The following SAP130 variants were observed in gnomAD, a reference collection of about 807,000 sequenced individuals.
The protein encoded by SAP130 is histone deacetylase complex subunit SAP130.
A neutral mutation model predicts 103.2 loss-of-function variants in SAP130; 16 were observed. The observed-to-expected ratio is 0.16, with a 90% CI of 0.10 to 0.24. The LOEUF is 0.24. SAP130 is among the 10% of genes least tolerant of loss of function. The pLI is 1.00. For synonymous variants in SAP130, 477 were observed against 497.0 expected (o/e 0.96, Z 0.53); for missense variants, 990 against 1,359.7 (o/e 0.73, Z 4.28).
chr2:128,025,676 G>A (rs1202735176), intron 2 of SAP130, among the ~76,000 whole-genome samples: 1 of 152,164 alleles, frequency 6.6e-6, no homozygotes, highest in Non-Finnish European at 1.5e-5. Context: ...AAATATACTG[G>A]AGGATAGGTA....
chr2:127,965,272 G>A (rs374425695), intron 15 of SAP130, among the ~76,000 whole-genome samples: 10 of 152,186 alleles, frequency 6.6e-5, no homozygotes, highest in African/African-American at 1.9e-4. Context: ...ACTCCAGCCT[G>A]GCAACAGAGC....
chr2:127,989,678 G>C lies in SAP130; in HGVS notation c.1666C>G (p.Gln556Glu), dbSNP rs1443385131. The change falls in exon 13 of 21, where the codon CAG becomes GAG. Residue 556 changes from glutamine to glutamate, a missense_variant. Physicochemically the swap from Gln to Glu is conservative, Grantham distance 29. This residue lies in a region of SAP130 where 349 missense variants were observed against 384.1 expected (regional missense o/e 0.91). Transcript: ENST00000643581. This position sits in a 1 kb window ranked among gnomAD's most constrained non-coding sequence, Gnocchi z 4.6. Reference sequence around the variant, plus strand: ...CCCTGTGTGCCAAGTGGTGCAGGCTGTATCCCTGGGGTCCCAATGGGGGCC... The same window carrying C: ...CCCTGTGTGCCAAGTGGTGCAGGCTCTATCCCTGGGGTCCCAATGGGGGCC... The part of the protein sequence containing the change: ...QPAPIGTPGI[Q>E]PAPLGTQGIH... The C allele has an allele frequency of 2.5e-6, 4 of 1,614,210 alleles. No individual in the cohort carries two copies. Among genetic ancestry groups the C allele is most frequent in the Non-Finnish European group, 3.4e-6 (4 of 1,180,040 alleles).
At chr2:127,969,937 A>C (rs1382760590) in intron 15 of SAP130, among the ~76,000 whole-genome samples, 2 of 152,138 alleles carry the variant, frequency 1.3e-5, no homozygotes, top group African/African-American at 4.8e-5. Context: ...TCTACTAAAA[A>C]AATTTATTTA....
intron 6 of SAP130, among the ~76,000 whole-genome samples, chr2:128,011,833 G>C (rs1321990593): frequency 3.3e-5 from 5 of 152,098 alleles, no homozygotes; most frequent in Admixed American, 3.3e-4. Flanking sequence ...TTTTTTGTGA[G>C]ATGGAGTCTC....
intron 15 of SAP130, among the ~76,000 whole-genome samples, chr2:127,959,196 T>C (rs1680060374): frequency 1.3e-5 from 2 of 152,254 alleles, no homozygotes; most frequent in African/African-American, 4.8e-5. Context: ...GTTCCCTGGA[T>C]TTGCTTTTTT....
chr2:128,018,839 T>C (rs1559105381), intron 2 of SAP130, among the ~76,000 whole-genome samples: 2 of 150,850 alleles, frequency 1.3e-5, no homozygotes, highest in African/African-American at 2.4e-5. Context: ...GCACAGCCTG[T>C]AATCCTAGCA....
chr2:127,948,101 T>C (rs1679237039), intron 18 of SAP130, among the ~76,000 whole-genome samples: 1 of 152,008 alleles, frequency 6.6e-6, no homozygotes, highest in Non-Finnish European at 1.5e-5. Flanking sequence ...GTATGTATTT[T>C]TCCAGTCTTT....
chr2:128,010,176 CAATA>C (rs1315624699), intron 7 of SAP130, 89 bp downstream of exon 7: 2 of 1,372,398 alleles, frequency 1.5e-6, no homozygotes, highest in Admixed American at 4.6e-5. Context: ...AAAAGCCACT[CAATA>C]AATATTTACT....
At chr2:127,974,876 A>G (rs969100715) in intron 15 of SAP130, among the ~76,000 whole-genome samples, 1 of 152,160 alleles carries the variant, frequency 6.6e-6, no homozygotes, top group Non-Finnish European at 1.5e-5. Flanking sequence ...CTGTGTTACC[A>G]CTGCCTATAG....
Position 127,996,511 on chromosome 2 carries a change from A to G in SAP130, c.1214-20T>C. ...CCTTGGCTGCAAACAGTAAATGCCA[A>G]TTCCATGACCATTCTACACTTTTTT... On this transcript the variant is annotated intron_variant, in intron 10 of 20. Coordinates refer to ENST00000643581, the MANE Select transcript of SAP130 (RefSeq NM_001330301.2). The surrounding 1 kb of genome is among the most constrained non-coding windows in gnomAD (Gnocchi z 4.3). 6.6e-7 allele frequency: 1 copy of G among 1,508,802 alleles called. No individual in the cohort carries two copies. The highest frequency in any genetic ancestry group is 8.9e-7 in the Non-Finnish European group (1 of 1,120,062). The allele number at this position is 1,508,802 out of a possible 1,614,324, so 93.5% of individuals were successfully genotyped here. A position where few individuals can be genotyped will look rare whatever the true frequency, so the allele number is the denominator to read the frequency against.
intron 2 of SAP130, among the ~76,000 whole-genome samples, chr2:128,021,460 A>C (rs1042517760): frequency 6.6e-6 from 1 of 151,880 alleles, no homozygotes; most frequent in Non-Finnish European, 1.5e-5. Context: ...AAAAAAAAAA[A>C]ACAAAAAAAC....
At chr2:128,017,205 C>G (rs867571522) in intron 3 of SAP130, among the ~76,000 whole-genome samples, 1 of 152,152 alleles carries the variant, frequency 6.6e-6, no homozygotes, top group Non-Finnish European at 1.5e-5. Context: ...GCCTGTAATA[C>G]CAGCTACTTG....
chr2:128,011,114 C>T (rs929867365), intron 6 of SAP130, among the ~76,000 whole-genome samples: 5 of 151,896 alleles, frequency 3.3e-5, no homozygotes, highest in African/African-American at 7.3e-5. Context: ...AGACATTTTA[C>T]GCTGCCATCC....
At chr2:127,969,756 C>T (rs1445013397) in intron 15 of SAP130, among the ~76,000 whole-genome samples, 1 of 152,124 alleles carries the variant, frequency 6.6e-6, no homozygotes. Context: ...CCTTCATGTT[C>T]ACATAATGTA....
At chr2:127,968,967 A>G (rs1031903448) in intron 15 of SAP130, among the ~76,000 whole-genome samples, 2 of 152,236 alleles carry the variant, frequency 1.3e-5, no homozygotes, top group African/African-American at 4.8e-5. Context: ...CATGACAGAG[A>G]CTACGCGACT....
chr2:127,942,023 G>A lies in SAP130; in HGVS notation c.3157C>T (p.Arg1053Ter), dbSNP rs745900627. ...GTVKKVSKLK[R>*]KEKV ...TTCTGGGTCTAGACTTTTTCCTTTC[G>A]CTTCAATTTGGACACTTTTTTGACA... The change falls in exon 21 of 21, where the codon CGA becomes TGA. Residue 1053 changes from arginine (R) to a stop codon, truncating the protein, a stop_gained. Coordinates refer to ENST00000643581, the MANE Select transcript of SAP130 (RefSeq NM_001330301.2). LOFTEE classifies it high-confidence loss of function. This position sits in a 1 kb window ranked among gnomAD's most constrained non-coding sequence, Gnocchi z 4.8. 5.7e-6 allele frequency: 9 copies of A among 1,588,992 alleles called. No homozygotes were observed. Among genetic ancestry groups the A allele is most frequent in the African/African-American group, 1.5e-5 (1 of 67,864 alleles).
At chr2:127,958,941 C>T (rs961512388) in intron 15 of SAP130, among the ~76,000 whole-genome samples, 2 of 152,152 alleles carry the variant, frequency 1.3e-5, no homozygotes, top group African/African-American at 4.8e-5. Flanking sequence ...TGAGCCGCCA[C>T]ACCCGGCTAA....
chr2:127,990,786 A>G (rs577971403), intron 12 of SAP130, among the ~76,000 whole-genome samples: 1 of 151,740 alleles, frequency 6.6e-6, no homozygotes, highest in Non-Finnish European at 1.5e-5. Flanking sequence ...ATAAAAAATT[A>G]AAGAATTAGC....
intron 15 of SAP130, among the ~76,000 whole-genome samples, chr2:127,960,834 T>C (rs1680190318): frequency 6.6e-6 from 1 of 152,194 alleles, no homozygotes; most frequent in East Asian, 1.9e-4. Flanking sequence ...AATTCTAGAA[T>C]ATTAAGATGT....
Sources: gnomAD v4.1 joint callset for allele counts (sites outside exome capture counted in the v4.1 genomes callset) on GRCh38, gnomAD v4.1.1 for gene constraint, gnomAD v4.1.1 regional missense constraint, Gnocchi (gnomAD v3.1) non-coding constraint, MANE v1.5 for transcripts, NCBI Gene and HGNC (gene_info 2026-07-23, HGNC 2026-07-21) for gene names.